The following BICDL1 variants were observed in gnomAD, a reference collection of about 807,000 sequenced individuals.
The protein encoded by BICDL1 is BICD family-like cargo adapter 1.
A neutral mutation model predicts 76.8 loss-of-function variants in BICDL1; 20 were observed. The ratio of observed to expected loss-of-function variants is 0.26; its 90% CI spans 0.18 to 0.38. The LOEUF is 0.38. Among genes scored for constraint, BICDL1 ranks in the 10% least tolerant of loss-of-function variants. BICDL1 has a pLI of 1.00. For missense variants in BICDL1, 700 were observed against 798.6 expected, an observed-to-expected ratio of 0.88 and a Z score of 1.49; for synonymous variants, 383 against 337.1, an observed-to-expected ratio of 1.14 and a Z score of -1.49.
intron 3 of BICDL1, among the ~76,000 whole-genome samples, chr12:120,063,885 C>T (rs949248548): frequency 5.9e-5 from 9 of 152,150 alleles, no homozygotes; most frequent in Admixed American, 3.9e-4. Context: ...GCTTCTCACC[C>T]TTCAAACCTT....
At chr12:119,996,468 T>G (rs974881692) in intron 1 of BICDL1, among the ~76,000 whole-genome samples, 1 of 152,190 alleles carries the variant, frequency 6.6e-6, no homozygotes, top group Admixed American at 6.5e-5. Context: ...AAGCTGTCCC[T>G]TAAGGCTTTC....
At chr12:120,084,499 T>C (rs7974285) in intron 8 of BICDL1, among the ~76,000 whole-genome samples, 13,449 of 152,232 alleles carry the variant, frequency 0.088, 741 homozygotes, top group African/African-American at 0.15. Flanking sequence ...GTTGGGAAGC[T>C]AAAATGAACT....
At chr12:119,991,828 A>T (rs1951530398) in intron 1 of BICDL1, among the ~76,000 whole-genome samples, 1 of 152,208 alleles carries the variant, frequency 6.6e-6, no homozygotes, top group Admixed American at 6.5e-5. Flanking sequence ...TGGAGCCTTT[A>T]TACATTTCTT....
In BICDL1 at chr12:120,093,641, C is replaced by T. The variant is rs770729780; in HGVS notation, c.*480C>T. The stretch of plus-strand genomic sequence containing the variant: ...GGCCAGGCCTGAGCCTCCATTCCTT[C>T]CCCAGCCCCTGGCCCAGGGTCAAAG... On this transcript the variant is annotated 3_prime_UTR_variant, in exon 10 of 10. Coordinates refer to ENST00000548673, the MANE Select transcript of BICDL1 (RefSeq NM_001367886.1). The T allele has an allele frequency of 1.3e-4, 22 of 169,486 alleles. No individual in the cohort carries two copies. The highest frequency in any genetic ancestry group is 2.6e-4 in the Non-Finnish European group (20 of 77,458). The allele number at this position is 169,486 out of a possible 1,614,324, so 10.5% of individuals were successfully genotyped here.
chr12:120,035,193 G>A lies in BICDL1; in HGVS notation c.646-26517G>A, dbSNP rs190713914. Among the ~76,000 whole-genome samples, 591 of 152,204 alleles carry A rather than the reference G, an allele frequency of 3.9e-3. 1 individual carries two copies. Among genetic ancestry groups the A allele is most frequent in the Non-Finnish European group, 6.2e-3 (420 of 68,018 alleles). On this transcript the variant is annotated intron_variant, in intron 2 of 9. Transcript: ENST00000548673. ...TCTACTAAAAATACAAAAATTAGCC[G>A]GGTGTGGTGGTGCACGCCTGTAATT... is the stretch of plus-strand genomic sequence containing the variant.
In BICDL1 at chr12:120,071,509, A is replaced by G. The variant is rs1873101886; in HGVS notation, c.910-113A>G. ...GTAGTTTAACATGTTCTTCTCTCCT[A>G]TTTATTTTTCTATAAATTGGTGGTT... On this transcript the variant is annotated intron_variant, in intron 4 of 9. Coordinates refer to ENST00000548673, the MANE Select transcript of BICDL1 (RefSeq NM_001367886.1). The surrounding 1 kb of genome is among the most constrained non-coding windows in gnomAD (Gnocchi z 4.8). 3 of 1,374,510 alleles carry G rather than the reference A, an allele frequency of 2.2e-6. No homozygotes were observed. The highest frequency in any genetic ancestry group is 1.5e-5 in the African/African-American group (1 of 68,112). 85.1% of individuals were successfully genotyped at this position (1,374,510 alleles called of 1,614,324 possible). A position where few individuals can be genotyped will look rare whatever the true frequency, so the allele number is the denominator to read the frequency against.
chr12:119,989,756 CCGCGGCGCGAGGCGAGGCGCGGGA>C lies in BICDL1; in HGVS notation c.-107_-84del, dbSNP rs1951471845. The C allele has an allele frequency of 3.0e-5, 10 of 331,950 alleles. No homozygotes were observed. In the South Asian group the frequency reaches 7.1e-4, roughly 23 times the overall value. The allele number at this position is 331,950 out of a possible 1,614,324, so 20.6% of individuals were successfully genotyped here. On this transcript the variant is annotated 5_prime_UTR_variant, in exon 1 of 10. Coordinates refer to ENST00000548673, the MANE Select transcript of BICDL1 (RefSeq NM_001367886.1). ...GCTCGCGGGGACCCGGGGGCGCGTG[CCGCGGCGCGAGGCGAGGCGCGGGA>C]CGCGGGGCGGCGCGGCAGGGCCCCT...
chr12:120,024,707 T>A (rs1048815212), intron 2 of BICDL1, among the ~76,000 whole-genome samples: 1 of 152,126 alleles, frequency 6.6e-6, no homozygotes, highest in Non-Finnish European at 1.5e-5. Flanking sequence ...TTCTTTTTTT[T>A]AACAGAGTCT....
chr12:120,004,576 A>G (rs1243090109), intron 2 of BICDL1, among the ~76,000 whole-genome samples: 1 of 152,184 alleles, frequency 6.6e-6, no homozygotes, highest in East Asian at 1.9e-4. Flanking sequence ...AATGGTCTAA[A>G]TATTGGTGAA....
intron 3 of BICDL1, 34 bp from the exon 4 acceptor site, chr12:120,064,697 ACT>A: frequency 1.3e-6 from 2 of 1,570,130 alleles, no homozygotes; most frequent in East Asian, 4.6e-5. Flanking sequence ...CCCGGGTGTA[ACT>A]CCACACCACC....
At chr12:120,046,300 C>T (rs1436167844) in intron 2 of BICDL1, among the ~76,000 whole-genome samples, 1 of 152,128 alleles carries the variant, frequency 6.6e-6, no homozygotes, top group Non-Finnish European at 1.5e-5. Context: ...CTCTTACTTA[C>T]ATTTAATCTG....
chr12:120,075,549 T>C (rs1042774295), intron 7 of BICDL1, among the ~76,000 whole-genome samples: 5 of 152,170 alleles, frequency 3.3e-5, no homozygotes, highest in Admixed American at 3.3e-4. Flanking sequence ...TACGCCACCA[T>C]GCCCAACTAA....
At chr12:120,074,305 CTA>C (rs1171300890) in intron 6 of BICDL1, 136 bp from the exon 7 acceptor site, 1 of 405,956 alleles carries the variant, frequency 2.5e-6, no homozygotes, top group East Asian at 1.6e-4. Context: ...TCTTTCCCCA[CTA>C]TCTTTCCCCA....
At position 120,074,467 on chromosome 12, in the gene BICDL1, T is replaced by C; in HGVS notation, c.1333T>C (p.Ser445Pro). Residue 445 changes from serine to proline, a missense_variant, in exon 7 of 10, where the codon TCC (serine) becomes CCC (proline). By Grantham distance (74) the Ser-to-Pro change is moderately conservative (BLOSUM62 -1). Coordinates refer to ENST00000548673, the MANE Select transcript of BICDL1 (RefSeq NM_001367886.1). ...PTGSRRLDDDSLEEQIRQTSE... is the reference protein window; with the variant it reads ...PTGSRRLDDDPLEEQIRQTSE... ...GGGCTCCCGGAGACTTGATGATGAC[T>C]CCTTAGAAGAACAGATAAGGCAGAC... 1 of 1,253,074 alleles carries C rather than the reference T, an allele frequency of 8.0e-7. No homozygotes were observed. Among genetic ancestry groups the C allele is most frequent in the Non-Finnish European group, 1.0e-6 (1 of 972,340 alleles). The allele number at this position is 1,253,074 out of a possible 1,614,324, so 77.6% of individuals were successfully genotyped here.
At chr12:120,089,377 T>TGTGTGTGTGTGTG (rs752111046) in intron 8 of BICDL1, among the ~76,000 whole-genome samples, 1 of 148,612 alleles carries the variant, frequency 6.7e-6, no homozygotes, top group Non-Finnish European at 1.5e-5. Flanking sequence ...TCTTTCAACG[T>TGTGTGTGTGTGTG]GTGTGTGTGT....
At chr12:120,016,242 AG>A (rs1952057395) in intron 2 of BICDL1, among the ~76,000 whole-genome samples, 1 of 152,176 alleles carries the variant, frequency 6.6e-6, no homozygotes, top group Non-Finnish European at 1.5e-5. Flanking sequence ...TTCCTTTTTT[AG>A]TATTCCATTG....
chr12:120,072,100 C>T (rs76864430), intron 5 of BICDL1, among the ~76,000 whole-genome samples: 3,181 of 152,348 alleles, frequency 0.021, 123 homozygotes, highest in African/African-American at 0.073. Flanking sequence ...ATGCTTGTGC[C>T]ATCAGCTCCA....
At position 120,074,504 on chromosome 12, in the gene BICDL1, C is replaced by T. The variant is rs1873380533; in HGVS notation, c.1370C>T (p.Ser457Leu). Residue 457 changes from serine (S) to leucine (L), a missense_variant, in exon 7 of 10, where the codon TCG (serine) becomes TTG (leucine). Ser to Leu is a moderately radical substitution (Grantham distance 145, BLOSUM62 -2). Transcript: ENST00000548673. ...EEQIRQTSED[S>L]RALRELMEGE... is the part of the protein sequence containing the mutation. ...CAGATAAGGCAGACCAGTGAGGACT[C>T]GAGAGCCCTAAGGGAGCTCATGGAG... The T allele has an allele frequency of 8.6e-6, 11 of 1,281,264 alleles. No individual in the cohort carries two copies. Among genetic ancestry groups the T allele is most frequent in the African/African-American group, 3.1e-5 (2 of 65,362 alleles). The allele number at this position is 1,281,264 out of a possible 1,614,324, so 79.4% of individuals were successfully genotyped here.
chr12:120,070,628 C>T (rs1873012357), intron 4 of BICDL1, among the ~76,000 whole-genome samples: 1 of 152,014 alleles, frequency 6.6e-6, no homozygotes, highest in Admixed American at 6.6e-5. Flanking sequence ...AGTGAGTGTT[C>T]AGATTTTCAC....
Sources: gnomAD v4.1 joint callset for allele counts (sites outside exome capture counted in the v4.1 genomes callset) on GRCh38, gnomAD v4.1.1 for gene constraint, Gnocchi (gnomAD v3.1) non-coding constraint, MANE v1.5 for transcripts, NCBI Gene and HGNC (gene_info 2026-07-23, HGNC 2026-07-21) for gene names.